The following DNA2 variants were observed in gnomAD, a reference collection of about 807,000 sequenced individuals.
DNA2 encodes the protein DNA replication ATP-dependent helicase/nuclease DNA2.
A neutral mutation model predicts 119.1 loss-of-function variants in DNA2; 101 were observed. The observed-to-expected ratio is 0.85, with a 90% CI of 0.72 to 1.00. The LOEUF (loss-of-function observed/expected upper bound fraction) is 1.00, where lower values mean the gene tolerates loss of function less well. DNA2 is among the 50% of genes least tolerant of loss of function. The pLI, the probability that DNA2 is intolerant of heterozygous loss-of-function variation, is 0.00. For missense variants in DNA2, 1,121 were observed against 1,255.5 expected, an observed-to-expected ratio of 0.89 and a Z score of 1.62; for synonymous variants, 366 against 424.4, an observed-to-expected ratio of 0.86 and a Z score of 1.69.
chr10:68,457,413 C>A (rs2052199100), intron 5 of DNA2, among the ~76,000 whole-genome samples: 1 of 152,158 alleles, frequency 6.6e-6, no homozygotes, highest in African/African-American at 2.4e-5. Context: ...AGCTTCTGCT[C>A]AAATGCTACC....
intron 14 of DNA2, chr10:68,425,036 T>C (rs959982267): frequency 2.1e-6 from 1 of 476,182 alleles, no homozygotes; most frequent in African/African-American, 2.0e-5. Flanking sequence ...ACTGAGATTT[T>C]TAGGCTAGTG....
rs533589778 is a variant in DNA2, at chr10:68,421,157, G to A, written c.2697+1068C>T. On this transcript the variant is annotated intron_variant, in intron 17 of 20. Coordinates refer to ENST00000358410, the MANE Select transcript of DNA2 (RefSeq NM_001080449.3). ...TTGCCATGTTGGTCAGGCTGGTCTC[G>A]AACTCCTGACCCCAGTGATCCACCC... Among the ~76,000 whole-genome samples, 6 of 145,698 alleles carry A rather than the reference G, an allele frequency of 4.1e-5. 1 individual carries two copies. The South Asian group carries it at 6.8e-4, about 16-fold the overall frequency.
rs1192295622 is a variant in DNA2 at position 68,431,802 on chromosome 10, T to A, written c.1983+60A>T. ...TTTTGATATTCAATATTACATCCTC[T>A]GAACTGAGGAGAAGCTGATACAAAT... On this transcript the variant is annotated intron_variant, in intron 13 of 20. Coordinates refer to ENST00000358410, the MANE Select transcript of DNA2 (RefSeq NM_001080449.3). 4.8e-5 allele frequency: 55 copies of A among 1,146,528 alleles called. No homozygotes were observed. The Admixed American group carries it at 1.1e-3, about 24-fold the overall frequency. 71.0% of individuals were successfully genotyped at this position (1,146,528 alleles called of 1,614,324 possible). A position where few individuals can be genotyped will look rare whatever the true frequency, so the allele number is the denominator to read the frequency against.
chr10:68,446,153 A>T, intron 7 of DNA2, 143 bp downstream of exon 7: 1 of 587,956 alleles, frequency 1.7e-6, no homozygotes, highest in East Asian at 2.9e-5. Flanking sequence ...ACACACATAA[A>T]AAACAACAAC....
intron 8 of DNA2, 49 bp downstream of exon 8, chr10:68,444,864 GTATTTAGT>G (rs2133402246): frequency 1.5e-6 from 2 of 1,357,300 alleles, no homozygotes; most frequent in East Asian, 4.7e-5. Context: ...AGTGTTAAAC[GTATTTAGT>G]TGAGTTCATA....
chr10:68,427,363 A>AC (rs1433344226), intron 14 of DNA2, among the ~76,000 whole-genome samples: 2 of 150,128 alleles, frequency 1.3e-5, no homozygotes, highest in Non-Finnish European at 3.0e-5. Flanking sequence ...CAAAAAAAAA[A>AC]CCCCACCACA....
rs377428977 is a variant in DNA2 at position 68,419,142 on chromosome 10, T to A, written c.2859A>T (p.Leu953Phe). 2 of 1,613,468 alleles carry A rather than the reference T, an allele frequency of 1.2e-6. No individual in the cohort carries two copies. Among genetic ancestry groups the A allele is most frequent in the Non-Finnish European group, 8.5e-7 (1 of 1,179,702 alleles). The change falls in exon 19 of 21, where the codon TTA (leucine) becomes TTT (phenylalanine). Residue 953 changes from leucine to phenylalanine, a missense_variant. By Grantham distance (22) the Leu-to-Phe change is conservative. Coordinates refer to ENST00000358410, the MANE Select transcript of DNA2 (RefSeq NM_001080449.3). The part of the protein sequence containing the change: ...YRQQLKIIND[L>F]LARSIGMVEV... ...CGACCATCCCAATAGAACGTGCCAA[T>A]AAATCATTGATGATCTTTAATTGCT...
intron 9 of DNA2, among the ~76,000 whole-genome samples, chr10:68,439,947 T>C (rs975050542): frequency 6.8e-6 from 1 of 146,534 alleles, no homozygotes; most frequent in African/African-American, 2.5e-5. Flanking sequence ...AGAGGTTGCA[T>C]GAGCTGAGAT....
intron 9 of DNA2, among the ~76,000 whole-genome samples, chr10:68,439,479 TCAC>T (rs1564885806): frequency 6.6e-6 from 1 of 151,954 alleles, no homozygotes; most frequent in Non-Finnish European, 1.5e-5. Context: ...GGCAGCTGGA[TCAC>T]CACGAGATCA....
chr10:68,424,894 A>G (rs942203235), intron 14 of DNA2: 4 of 726,466 alleles, frequency 5.5e-6, no homozygotes, highest in African/African-American at 3.5e-5. Flanking sequence ...CTAAATCTCA[A>G]CAAGGATCGG....
chr10:68,470,576 T>G, intron 1 of DNA2: 1 of 454,036 alleles, frequency 2.2e-6, no homozygotes, highest in South Asian at 1.6e-5. Flanking sequence ...ATCATGCTAC[T>G]GCACCCCTTC....
chr10:68,463,647 C>T (rs1232391063), intron 4 of DNA2, among the ~76,000 whole-genome samples: 2 of 141,900 alleles, frequency 1.4e-5, no homozygotes, highest in East Asian at 2.0e-4. Context: ...CCAGCCTGAA[C>T]GACAGAGGAA....
chr10:68,434,327 G>A (rs918247435), intron 10 of DNA2, among the ~76,000 whole-genome samples: 11 of 151,384 alleles, frequency 7.3e-5, no homozygotes, highest in Admixed American at 1.3e-4. Context: ...CCTCTCCTCT[G>A]TGTTCCTATC....
chr10:68,455,033 GGT>G (rs1399245913), intron 5 of DNA2, among the ~76,000 whole-genome samples: 2 of 151,150 alleles, frequency 1.3e-5, no homozygotes, highest in Non-Finnish European at 2.9e-5. Context: ...CTGCCTCCTG[GGT>G]TCAAGCGATT....
chr10:68,431,900 T>G lies in DNA2; in HGVS notation c.1945A>C (p.Met649Leu). The change falls in exon 13 of 21, where the codon ATG (methionine) becomes CTG (leucine). Residue 649 changes from methionine to leucine, a missense_variant. By Grantham distance (15) the Met-to-Leu change is conservative. Coordinates refer to ENST00000358410, the MANE Select transcript of DNA2 (RefSeq NM_001080449.3). ...LSKDYTLIVG[M>L]PGTGKTTTIC... is the part of the protein sequence containing the mutation. The stretch of plus-strand genomic sequence containing the variant: ...GTAGTTGTTTTTCCTGTCCCAGGCA[T>G]ACCCACGATGAGTGTGTAGTCTTTT... 3 of 1,613,878 alleles carry G rather than the reference T, an allele frequency of 1.9e-6. No individual in the cohort carries two copies. Among genetic ancestry groups the G allele is most frequent in the Non-Finnish European group, 2.5e-6 (3 of 1,179,792 alleles).
chr10:68,417,515 A>G (rs1379033826), intron 19 of DNA2, among the ~76,000 whole-genome samples: 2 of 149,680 alleles, frequency 1.3e-5, no homozygotes, highest in African/African-American at 4.9e-5. Flanking sequence ...TTAACTGGGT[A>G]TGGTGGCGCA....
chr10:68,452,772 C>G (rs2052137004), intron 5 of DNA2, among the ~76,000 whole-genome samples: 1 of 111,372 alleles, frequency 9.0e-6, no homozygotes, highest in Non-Finnish European at 1.8e-5. Context: ...TTTGTAGGGA[C>G]AAGTTCTCAC....
intron 6 of DNA2, among the ~76,000 whole-genome samples, chr10:68,447,885 G>A (rs1242894424): frequency 1.3e-5 from 2 of 151,446 alleles, no homozygotes; most frequent in Non-Finnish European, 2.9e-5. Context: ...TCGGGAGGCT[G>A]AGGCAGGAGA....
At chr10:68,422,662 T>A (rs377124341) in intron 15 of DNA2, 35 bp downstream of exon 15, 12 of 1,613,376 alleles carry the variant, frequency 7.4e-6, no homozygotes, top group Non-Finnish European at 9.3e-6. Flanking sequence ...TTGAAAATAA[T>A]CTAGTTTAAA....
Sources: gnomAD v4.1 joint callset for allele counts (sites outside exome capture counted in the v4.1 genomes callset) on GRCh38, gnomAD v4.1.1 for gene constraint, MANE v1.5 for transcripts, NCBI Gene and HGNC (gene_info 2026-07-23, HGNC 2026-07-21) for gene names.